Variants in KIAA0319L observed in about 807,000 individuals in gnomAD.
The protein encoded by KIAA0319L is dyslexia-associated protein KIAA0319-like protein.
Under a neutral mutation model 120.1 loss-of-function variants are expected in KIAA0319L, and 55 were observed. That is an observed-to-expected ratio of 0.46 (90% CI 0.37 to 0.57). The LOEUF (loss-of-function observed/expected upper bound fraction) is 0.57. KIAA0319L is among the 20% of genes least tolerant of loss of function. The pLI, the probability that KIAA0319L is intolerant of heterozygous loss-of-function variation, is 0.00. For synonymous variants in KIAA0319L, 398 were observed against 471.9 expected, an observed-to-expected ratio of 0.84 and a Z score of 2.03; for missense variants, 1,049 against 1,255.3, an observed-to-expected ratio of 0.84 and a Z score of 2.48.
chr1:35,488,397 T>C (rs1319348689), intron 3 of KIAA0319L, among the ~76,000 whole-genome samples: 6 of 152,194 alleles, frequency 3.9e-5, no homozygotes. Context: ...GACACCCATG[T>C]TTCTAGCCTG....
chr1:35,482,578 T>A (rs1473131725), intron 3 of KIAA0319L, among the ~76,000 whole-genome samples: 1 of 151,640 alleles, frequency 6.6e-6, no homozygotes, highest in Non-Finnish European at 1.5e-5. Flanking sequence ...TACAGGCATG[T>A]GCCACCACGC....
intron 10 of KIAA0319L, among the ~76,000 whole-genome samples, chr1:35,455,437 G>A (rs1183444301): frequency 1.3e-5 from 2 of 152,050 alleles, no homozygotes; most frequent in African/African-American, 4.8e-5. Context: ...TCACCATCTA[G>A]CCAATCTACT....
In KIAA0319L at chr1:35,434,911, G is replaced by A; in HGVS notation, c.3133C>T (p.Arg1045Trp). The A allele has an allele frequency of 1.2e-6, 2 of 1,612,708 alleles. No individual in the cohort carries two copies. Among genetic ancestry groups the A allele is most frequent in the Non-Finnish European group, 8.5e-7 (1 of 1,179,974 alleles). Residue 1045 changes from arginine (R) to tryptophan (W), a missense_variant, in exon 21 of 21, where the codon CGG (arginine) becomes TGG (tryptophan). Physicochemically the swap from Arg to Trp is moderately radical, Grantham distance 101. Transcript: ENST00000325722. ...GQTPLKARSPREEIL is the reference protein window; with the variant it reads ...GQTPLKARSPWEEIL ...CCAGGTGGCTACAGGATCTCCTCCC[G>A]CGGGCTCCTGGCCTTCAGAGGGGTC...
intron 14 of KIAA0319L, 101 bp from the exon 15 acceptor site, chr1:35,450,106 C>A: frequency 1.4e-6 from 2 of 1,408,438 alleles, no homozygotes; most frequent in South Asian, 1.2e-5. Flanking sequence ...CAGGGCTGAA[C>A]TGTTTCAACC....
chr1:35,437,796 C>T lies in KIAA0319L; in HGVS notation c.2963-2715G>A, dbSNP rs1640903381. Among the ~76,000 whole-genome samples the T allele has an allele frequency of 6.6e-6, 1 of 152,302 alleles. No individual in the cohort carries two copies. The highest frequency in any genetic ancestry group is 1.9e-4 in the East Asian group (1 of 5,178). ...GACCCTTTGTGGTGCTGATCCTCAC[C>T]AGCAGATGGGAGATTCCTATTTCTA... On this transcript the variant is annotated intron_variant, in intron 20 of 20. Transcript: ENST00000325722. The surrounding 1 kb of genome is among the most constrained non-coding windows in gnomAD (Gnocchi z 4.1).
At chr1:35,509,602 C>T (rs1203361148) in intron 2 of KIAA0319L, 1 of 152,270 alleles carries the variant, frequency 6.6e-6, no homozygotes, top group African/African-American at 2.4e-5. Context: ...CTCCAGTCTC[C>T]AAAGACATCA....
At chr1:35,538,501 G>C (rs1344590846) in intron 2 of KIAA0319L, among the ~76,000 whole-genome samples, 4 of 144,102 alleles carry the variant, frequency 2.8e-5, no homozygotes, top group Non-Finnish European at 6.0e-5. Context: ...TGAGGCAGGA[G>C]AATTGCTTGC....
chr1:35,474,979 T>C, intron 4 of KIAA0319L, 73 bp from the exon 5 acceptor site: 1 of 858,852 alleles, frequency 1.2e-6, no homozygotes, highest in African/African-American at 1.7e-5. Context: ...TCTTTTGTGA[T>C]CAAACTCCTT....
chr1:35,517,643 C>T (rs1645739838), intron 2 of KIAA0319L, among the ~76,000 whole-genome samples: 1 of 152,006 alleles, frequency 6.6e-6, no homozygotes, highest in African/African-American at 2.4e-5. Context: ...CAATACCATC[C>T]TAGGAACATA....
At chr1:35,482,879 GTA>G (rs1340619756) in intron 3 of KIAA0319L, among the ~76,000 whole-genome samples, 1 of 152,186 alleles carries the variant, frequency 6.6e-6, no homozygotes, top group Non-Finnish European at 1.5e-5. Flanking sequence ...CACCACCAGT[GTA>G]TTTCAGTTAT....
At chr1:35,544,174 C>T (rs1348084257) in intron 2 of KIAA0319L, among the ~76,000 whole-genome samples, 6 of 151,940 alleles carry the variant, frequency 3.9e-5, no homozygotes, top group Non-Finnish European at 8.8e-5. Context: ...TCGAGACCAG[C>T]CTGGGCAACA....
Position 35,524,984 on chromosome 1 carries a change from C to T in KIAA0319L, c.143-17849G>A, listed in dbSNP as rs532295571. ...GTATATACTCATTAATTAACCTCTC[C>T]TCATCCCCCTACATGCCCTACAACT... On this transcript the variant is annotated intron_variant, in intron 2 of 20. Coordinates refer to ENST00000325722, the MANE Select transcript of KIAA0319L (RefSeq NM_024874.5). Among the ~76,000 whole-genome samples the T allele has an allele frequency of 4.6e-5, 7 of 152,214 alleles. No homozygotes were observed. The South Asian group carries it at 8.3e-4, about 18-fold the overall frequency.
At chr1:35,466,509 AC>A in intron 7 of KIAA0319L, 98 bp downstream of exon 7, 3 of 767,578 alleles carry the variant, frequency 3.9e-6, no homozygotes, top group Non-Finnish European at 6.5e-6. Context: ...TAAATACATT[AC>A]AAAAAAAATG....
chr1:35,462,786 G>T, intron 7 of KIAA0319L, 73 bp from the exon 8 acceptor site: 2 of 1,175,684 alleles, frequency 1.7e-6, no homozygotes, highest in Non-Finnish European at 1.3e-6. Context: ...TATCTGAGAG[G>T]ATTATAAATC....
chr1:35,541,347 TC>T (rs1646783620), intron 2 of KIAA0319L, among the ~76,000 whole-genome samples: 6 of 145,618 alleles, frequency 4.1e-5, no homozygotes, highest in Middle Eastern at 3.4e-3. Context: ...TTTTTTTTTT[TC>T]CTTTTTTTTT....
intron 2 of KIAA0319L, among the ~76,000 whole-genome samples, chr1:35,533,692 A>G (rs546511977): frequency 7.9e-5 from 12 of 152,240 alleles, no homozygotes; most frequent in Non-Finnish European, 1.5e-4. Context: ...TCCTACAGCT[A>G]TCATCAAAAG....
intron 6 of KIAA0319L, among the ~76,000 whole-genome samples, chr1:35,469,698 G>A (rs1354033025): frequency 6.6e-6 from 1 of 151,730 alleles, no homozygotes; most frequent in Non-Finnish European, 1.5e-5. Context: ...GACCTAGTGT[G>A]CCACCTGTTA....
intron 2 of KIAA0319L, among the ~76,000 whole-genome samples, chr1:35,523,771 G>A (rs1646018074): frequency 6.6e-6 from 1 of 152,206 alleles, no homozygotes; most frequent in Non-Finnish European, 1.5e-5. Context: ...GCCATGGCCT[G>A]CAGACCAGAG....
At chr1:35,512,146 T>G (rs977075194) in intron 2 of KIAA0319L, among the ~76,000 whole-genome samples, 1 of 152,038 alleles carries the variant, frequency 6.6e-6, no homozygotes, top group Non-Finnish European at 1.5e-5. Context: ...GGCACACATC[T>G]GTAATCCCAG....
Sources: allele counts gnomAD v4.1 joint callset (sites outside exome capture counted in the v4.1 genomes callset), GRCh38; gene constraint gnomAD v4.1.1; non-coding constraint Gnocchi (gnomAD v3.1); transcripts MANE v1.5; gene names NCBI Gene and HGNC (gene_info 2026-07-23, HGNC 2026-07-21).